ARHGAP36: variants seen among roughly 807,000 people sequenced by gnomAD.
ARHGAP36 encodes rho GTPase-activating protein 36.
ARHGAP36 carries 7 observed loss-of-function variants against 32.9 expected under a neutral mutation model. The ratio of observed to expected loss-of-function variants is 0.21; its 90% confidence interval spans 0.12 to 0.40. The LOEUF (loss-of-function observed/expected upper bound fraction) is 0.40. Among genes scored for constraint, ARHGAP36 ranks in the 10% least tolerant of loss-of-function variants. The pLI, the probability that ARHGAP36 is intolerant of heterozygous loss-of-function variation, is 1.00. For missense variants in ARHGAP36, 383 were observed against 442.2 expected (o/e 0.87, Z 1.20); for synonymous variants, 165 against 168.3 (o/e 0.98, Z 0.15).
chrX:131,073,227 T>A (rs966340468), intron 1 of ARHGAP36, among the ~76,000 whole-genome samples: 1 of 112,679 alleles, frequency 8.9e-6, no homozygotes, highest in Non-Finnish European at 1.9e-5. Flanking sequence ...CAGGAAGCAG[T>A]GAGTGGTTTC....
chrX:131,079,684 C>G (rs1603394039), intron 1 of ARHGAP36, among the ~76,000 whole-genome samples: 1 of 109,179 alleles, frequency 9.2e-6, no homozygotes, highest in East Asian at 2.9e-4. Flanking sequence ...TCCCCACCCC[C>G]CAAATCATAT....
At chrX:131,078,327 C>T in intron 1 of ARHGAP36, among the ~76,000 whole-genome samples, 1 of 111,859 alleles carries the variant, frequency 8.9e-6, no homozygotes, top group Non-Finnish European at 1.9e-5. Flanking sequence ...TAGAGGCTGG[C>T]TTTGAACTCA....
At chrX:131,067,688 C>T (rs1180423152) in intron 1 of ARHGAP36, among the ~76,000 whole-genome samples, 2 of 111,959 alleles carry the variant, frequency 1.8e-5, no homozygotes, top group African/African-American at 6.5e-5. Context: ...AAGACACACA[C>T]AACCCCTTCA....
chrX:131,087,116 A>G (rs952198471), intron 11 of ARHGAP36, among the ~76,000 whole-genome samples: 20 of 111,593 alleles, frequency 1.8e-4, no homozygotes, highest in African/African-American at 6.5e-4. Context: ...AACTCAAACC[A>G]TGACCTAGAA....
chrX:131,065,655 G>A (rs112098164), intron 1 of ARHGAP36, among the ~76,000 whole-genome samples: 8 of 111,245 alleles, frequency 7.2e-5, no homozygotes, highest in East Asian at 2.8e-4. Context: ...TAAGACTGAC[G>A]TATTTAGGCT....
At chrX:131,081,980 C>T in intron 2 of ARHGAP36, 62 bp downstream of exon 2, 3 of 1,167,137 alleles carry the variant, frequency 2.6e-6, no homozygotes, top group South Asian at 1.9e-5. Context: ...CCGGGCAGGA[C>T]GGGGCGGATT....
chrX:131,072,730 G>A (rs911623162), intron 1 of ARHGAP36, among the ~76,000 whole-genome samples: 4 of 111,812 alleles, frequency 3.6e-5, no homozygotes, highest in African/African-American at 1.3e-4. Flanking sequence ...TTTGAATAGG[G>A]GAGAGAAGAT....
chrX:131,074,964 A>G (rs1169923161), intron 1 of ARHGAP36, among the ~76,000 whole-genome samples: 2 of 112,613 alleles, frequency 1.8e-5, no homozygotes, highest in Non-Finnish European at 3.8e-5. Flanking sequence ...CCCAGTGAAA[A>G]TACAGTTCAT....
At position 131,081,526 on chromosome X, in the gene ARHGAP36, A is replaced by G. The variant is rs1192722549; in HGVS notation, c.-140A>G. 42 of 1,056,450 alleles carry G rather than the reference A, an allele frequency of 4.0e-5. No individual in the cohort carries two copies. The highest frequency in any genetic ancestry group is 4.5e-5 in the Non-Finnish European group (37 of 825,345). 87.1% of individuals were successfully genotyped at this position (1,056,450 alleles called of 1,213,427 possible). A position where few individuals can be genotyped will look rare whatever the true frequency, so the allele number is the denominator to read the frequency against. On this transcript the variant is annotated splice_region_variant and 5_prime_UTR_variant, in exon 2 of 12. Coordinates refer to ENST00000276211, the MANE Select transcript of ARHGAP36 (RefSeq NM_144967.4). ...TGGATTTTTTTTTTCTTTTTTAGCA[A>G]AAACAACCAGAGGCTGCTCTGCTTG... is the stretch of plus-strand genomic sequence containing the variant.
intron 7 of ARHGAP36, 40 bp downstream of exon 7, chrX:131,085,104 A>C: frequency 8.4e-7 from 1 of 1,186,835 alleles, no homozygotes; most frequent in South Asian, 1.9e-5. Flanking sequence ...AGGAAAGGAA[A>C]TATTACTGGG....
At chrX:131,085,846 A>G (rs1370010620) in intron 8 of ARHGAP36, 67 bp from the exon 9 acceptor site, 1 of 1,180,080 alleles carries the variant, frequency 8.5e-7, no homozygotes, top group Admixed American at 2.3e-5. Context: ...ATAAAAAGAG[A>G]CATATTCATT....
chrX:131,061,333 C>A (rs1336122328), intron 1 of ARHGAP36, among the ~76,000 whole-genome samples: 1 of 110,902 alleles, frequency 9.0e-6, no homozygotes, highest in Non-Finnish European at 1.9e-5. Flanking sequence ...TTCAGGGCGA[C>A]AACGGGCAAT....
intron 1 of ARHGAP36, among the ~76,000 whole-genome samples, chrX:131,070,818 G>T (rs2079729824): frequency 9.2e-6 from 1 of 108,657 alleles, no homozygotes; most frequent in Non-Finnish European, 1.9e-5. Context: ...CTTCTAGTAT[G>T]CCAGTCCTCT....
At chrX:131,082,039 C>G in intron 2 of ARHGAP36, 121 bp downstream of exon 2, 3 of 902,187 alleles carry the variant, frequency 3.3e-6, no homozygotes, top group East Asian at 6.3e-5. Context: ...CGGACTTGAT[C>G]AGTTCTCCTG....
Position 131,088,746 on chromosome X carries a change from G to A in ARHGAP36, c.1605G>A (p.Glu535=). The change falls in exon 12 of 12, where the codon GAG becomes GAA. Residue 535 remains glutamate, a synonymous_variant. Transcript: ENST00000276211. Reference sequence around the variant, plus strand: ...GCCCATTGCTCCGTGTGCCCCGGGAGAAGGAGGCCAAAACTGGCGTCAGCT... The same window carrying A: ...GCCCATTGCTCCGTGTGCCCCGGGAAAAGGAGGCCAAAACTGGCGTCAGCT... ...QDRPLLRVPR[E]KEAKTGVSYF... The A allele has an allele frequency of 8.3e-7, 1 of 1,210,686 alleles. No homozygotes were observed. Among genetic ancestry groups the A allele is most frequent in the Non-Finnish European group, 1.1e-6 (1 of 895,176 alleles).
chrX:131,074,326 T>C (rs991160611), intron 1 of ARHGAP36, among the ~76,000 whole-genome samples: 1 of 72,460 alleles, frequency 1.4e-5, no homozygotes, highest in African/African-American at 4.2e-5. Context: ...AAGGGAATTT[T>C]GTATGTGTGT....
intron 1 of ARHGAP36, among the ~76,000 whole-genome samples, chrX:131,061,030 G>T (rs2079665418): frequency 9.0e-6 from 1 of 111,246 alleles, no homozygotes. Context: ...TGGGGTTGGG[G>T]GAGGAAGCTG....
intron 9 of ARHGAP36, 64 bp from the exon 10 acceptor site, chrX:131,086,265 A>T: frequency 8.7e-7 from 1 of 1,150,859 alleles, no homozygotes; most frequent in Non-Finnish European, 1.2e-6. Context: ...GGTACCTGAA[A>T]GAGATGAGTA....
At chrX:131,061,600 G>A (rs1028567491) in intron 1 of ARHGAP36, among the ~76,000 whole-genome samples, 4 of 111,563 alleles carry the variant, frequency 3.6e-5, no homozygotes, top group Non-Finnish European at 3.8e-5. Context: ...GGACCGAATC[G>A]ATTTGCTGAG....
Sources: allele counts gnomAD v4.1 joint callset (sites outside exome capture counted in the v4.1 genomes callset), GRCh38; gene constraint gnomAD v4.1.1; transcripts MANE v1.5; gene names NCBI Gene and HGNC (gene_info 2026-07-23, HGNC 2026-07-21).